Variants in ANO3 observed in about 807,000 individuals in gnomAD.
The protein encoded by ANO3 is anoctamin-3.
Under a neutral mutation model 144.8 loss-of-function variants are expected in ANO3, and 99 were observed. The observed-to-expected ratio is 0.68, with a 90% CI of 0.58 to 0.81. ANO3 has a LOEUF of 0.81. ANO3 is among the 30% of genes least tolerant of loss of function. ANO3 has a pLI of 0.00. For synonymous variants in ANO3, 414 were observed against 392.6 expected, an observed-to-expected ratio of 1.05 and a Z score of -0.64; for missense variants, 905 against 1,202.2, an observed-to-expected ratio of 0.75 and a Z score of 3.66.
chr11:26,408,782 A>G (rs1228047967), intron 1 of ANO3, among the ~76,000 whole-genome samples: 6 of 151,748 alleles, frequency 4.0e-5, no homozygotes, highest in African/African-American at 1.5e-4. Context: ...ACACCATGGA[A>G]TACTATGCAG....
At chr11:26,520,002 C>A (rs915166114) in intron 6 of ANO3, among the ~76,000 whole-genome samples, 1 of 152,100 alleles carries the variant, frequency 6.6e-6, no homozygotes, top group East Asian at 1.9e-4. Context: ...AGTCAGAGCA[C>A]GTTTGGCCTC....
At chr11:26,589,505 C>G (rs1206904971) in intron 14 of ANO3, among the ~76,000 whole-genome samples, 1 of 149,966 alleles carries the variant, frequency 6.7e-6, no homozygotes, top group Non-Finnish European at 1.5e-5. Context: ...TTTGCATATT[C>G]ACAGAGCCGC....
chr11:26,574,269 C>T (rs1850931754), intron 14 of ANO3, among the ~76,000 whole-genome samples: 1 of 152,196 alleles, frequency 6.6e-6, no homozygotes, highest in Admixed American at 6.6e-5. Context: ...GTTTCCAGAA[C>T]ACGAAGACAC....
chr11:26,512,006 T>C (rs930553928), intron 5 of ANO3, among the ~76,000 whole-genome samples: 1 of 152,166 alleles, frequency 6.6e-6, no homozygotes, highest in Admixed American at 6.6e-5. Flanking sequence ...AAATTGGAAG[T>C]TATTAAATAA....
chr11:26,514,233 T>C (rs913605078), intron 5 of ANO3, among the ~76,000 whole-genome samples: 7 of 152,086 alleles, frequency 4.6e-5, no homozygotes, highest in African/African-American at 1.4e-4. Flanking sequence ...CAAAGGTCTA[T>C]ACAGAAGGTT....
intron 1 of ANO3, among the ~76,000 whole-genome samples, chr11:26,223,615 A>AC (rs1215712324): frequency 9.9e-5 from 15 of 151,666 alleles, no homozygotes; most frequent in African/African-American, 3.6e-4. Context: ...AAAAAAAAAA[A>AC]AAAAAAACCC....
At chr11:26,345,302 C>A (rs1855470863) in intron 1 of ANO3, among the ~76,000 whole-genome samples, 1 of 152,200 alleles carries the variant, frequency 6.6e-6, no homozygotes, top group South Asian at 2.1e-4. Flanking sequence ...TGCCTGTAAT[C>A]CCAGCACTTT....
At chr11:26,302,742 A>T (rs1277750332) in intron 1 of ANO3, among the ~76,000 whole-genome samples, 1 of 152,206 alleles carries the variant, frequency 6.6e-6, no homozygotes, top group Non-Finnish European at 1.5e-5. Flanking sequence ...AATATTCTGT[A>T]ATATATTTTC....
At chr11:26,628,924 A>T (rs555207634) in intron 18 of ANO3, among the ~76,000 whole-genome samples, 1 of 152,148 alleles carries the variant, frequency 6.6e-6, no homozygotes, top group Non-Finnish European at 1.5e-5. Context: ...ATGATAGGAC[A>T]TCTTACATGT....
chr11:26,545,115 AAATTTGTAACT>A (rs2134212753), intron 11 of ANO3, among the ~76,000 whole-genome samples: 1 of 152,152 alleles, frequency 6.6e-6, no homozygotes, highest in Admixed American at 6.6e-5. Context: ...GATTGTCTTA[AAATTTGTAACT>A]ACTTATTTTG....
At chr11:26,441,143 A>G (rs1858504042) in intron 1 of ANO3, among the ~76,000 whole-genome samples, 1 of 82,096 alleles carries the variant, frequency 1.2e-5, no homozygotes. Context: ...TTTGAGACGG[A>G]GTCTCGCTCT....
intron 1 of ANO3, among the ~76,000 whole-genome samples, chr11:26,254,196 A>G (rs1286473662): frequency 6.6e-6 from 1 of 152,184 alleles, no homozygotes; most frequent in African/African-American, 2.4e-5. Flanking sequence ...AGGTATTACC[A>G]GGTCAAATTG....
At chr11:26,350,118 G>T (rs943660227) in intron 1 of ANO3, among the ~76,000 whole-genome samples, 3 of 151,530 alleles carry the variant, frequency 2.0e-5, no homozygotes, top group African/African-American at 7.3e-5. Context: ...TGGAGAAACC[G>T]ACAAATGCAA....
chr11:26,212,138 A>C (rs35479014), intron 1 of ANO3, among the ~76,000 whole-genome samples: 45,926 of 151,802 alleles, frequency 0.3, 7,682 homozygotes, highest in Non-Finnish European at 0.37. Flanking sequence ...AGCAAACCAC[A>C]ATGGCACGTG....
chr11:26,250,546 T>C (rs1852904032), intron 1 of ANO3, among the ~76,000 whole-genome samples: 1 of 152,192 alleles, frequency 6.6e-6, no homozygotes, highest in Non-Finnish European at 1.5e-5. Context: ...AAAATTTCTG[T>C]TGGATTCATC....
chr11:26,433,097 A>G (rs1009589260), intron 1 of ANO3, among the ~76,000 whole-genome samples: 3 of 151,878 alleles, frequency 2.0e-5, no homozygotes, highest in African/African-American at 7.3e-5. Flanking sequence ...GTAATTCTCG[A>G]TGTAGAGATC....
intron 24 of ANO3, among the ~76,000 whole-genome samples, chr11:26,648,882 G>A (rs759113137): frequency 6.6e-6 from 1 of 152,170 alleles, no homozygotes; most frequent in Non-Finnish European, 1.5e-5. Context: ...CCCTGGAATA[G>A]GAGGAAATGC....
intron 3 of ANO3, among the ~76,000 whole-genome samples, chr11:26,453,306 C>T (rs941348031): frequency 6.6e-6 from 1 of 151,134 alleles, no homozygotes; most frequent in African/African-American, 2.4e-5. Flanking sequence ...ACAGTCAAGA[C>T]CCATCAGTGT....
Position 26,527,497 on chromosome 11 carries a change from A to G in ANO3, c.737+1818A>G, listed in dbSNP as rs1849193587. 2.0e-5 allele frequency among the ~76,000 whole-genome samples: 3 copies of G among 152,248 alleles called. No individual in the cohort carries two copies. The South Asian group carries it at 6.2e-4, about 32-fold the overall frequency. ...ATAGAAAAGAAGTCTATAAAATTAT[A>G]TAACATTAAACTGAAAAAAATTACA... is the stretch of plus-strand genomic sequence containing the variant. On this transcript the variant is annotated intron_variant, in intron 7 of 26. Transcript: ENST00000256737.
Sources: allele counts gnomAD v4.1 joint callset (sites outside exome capture counted in the v4.1 genomes callset), GRCh38; gene constraint gnomAD v4.1.1; transcripts MANE v1.5; gene names NCBI Gene and HGNC (gene_info 2026-07-23, HGNC 2026-07-21).